LRRC49: variants seen among roughly 807,000 people sequenced by gnomAD.
LRRC49 encodes leucine-rich repeat-containing protein 49.
LRRC49 carries 50 observed loss-of-function variants against 83.3 expected under a neutral mutation model. The ratio of observed to expected loss-of-function variants is 0.60; its 90% CI spans 0.48 to 0.76. The LOEUF (loss-of-function observed/expected upper bound fraction) is 0.76. Ranked by LOEUF, LRRC49 falls within the 30% of genes least tolerant of loss-of-function variation. The pLI, the probability that LRRC49 is intolerant of heterozygous loss-of-function variation, is 0.00. For synonymous variants in LRRC49, 286 were observed against 283.3 expected (o/e 1.01, Z -0.10); for missense variants, 704 against 809.1 (o/e 0.87, Z 1.58).
intron 11 of LRRC49, among the ~76,000 whole-genome samples, chr15:71,007,845 T>G (rs1596132269): frequency 6.6e-6 from 1 of 151,174 alleles, no homozygotes; most frequent in African/African-American, 2.4e-5. Flanking sequence ...TAGTATACAC[T>G]TTAAAAATTT....
intron 1 of LRRC49, among the ~76,000 whole-genome samples, chr15:70,872,081 G>A (rs567240165): frequency 1.3e-5 from 2 of 152,338 alleles, no homozygotes; most frequent in Admixed American, 1.3e-4. Flanking sequence ...CCGAGATCAC[G>A]CCACTGCACT....
At position 71,048,835 on chromosome 15, in the gene LRRC49, T is replaced by C. The variant is rs1368772392; in HGVS notation, c.1858-574T>C. The C allele has an allele frequency of 1.5e-5, 7 of 455,928 alleles. No individual in the cohort carries two copies. In the Admixed American group the frequency reaches 1.6e-4, roughly 11 times the overall value. The allele number at this position is 455,928 out of a possible 1,614,324, so 28.2% of individuals were successfully genotyped here. A position where few individuals can be genotyped will look rare whatever the true frequency, so the allele number is the denominator to read the frequency against. On this transcript the variant is annotated intron_variant, in intron 15 of 15. Transcript: ENST00000260382. Reference sequence around the variant, plus strand: ...AGACCTGTTTCTTTAGAAGGCAACGTCCTGGGTCCCAGGTTTCTATATGTT... The same window carrying C: ...AGACCTGTTTCTTTAGAAGGCAACGCCCTGGGTCCCAGGTTTCTATATGTT...
chr15:70,984,685 T>G (rs932243444), intron 11 of LRRC49: 7 of 153,268 alleles, frequency 4.6e-5, no homozygotes, highest in African/African-American at 1.4e-4. Flanking sequence ...ATGTGCAGGT[T>G]AGTTACATAT....
chr15:70,936,078 A>G (rs2035586376), intron 7 of LRRC49, among the ~76,000 whole-genome samples: 2 of 152,108 alleles, frequency 1.3e-5, no homozygotes, highest in South Asian at 4.1e-4. Flanking sequence ...AAGCAATTCA[A>G]TATTTGTTAA....
intron 8 of LRRC49, among the ~76,000 whole-genome samples, chr15:70,943,186 T>C (rs2035884818): frequency 6.6e-6 from 1 of 152,150 alleles, no homozygotes; most frequent in Non-Finnish European, 1.5e-5. Context: ...AGTTTTTTTT[T>C]TAAGGAAGAT....
chr15:70,892,758 C>T (rs1337155462), upstream of LRRC49: 2 of 1,572,890 alleles, frequency 1.3e-6, no homozygotes, highest in Non-Finnish European at 1.7e-6. Flanking sequence ...CGGGAGAGGT[C>T]CAGACCGGAA....
intron 14 of LRRC49, among the ~76,000 whole-genome samples, chr15:71,021,631 G>A (rs981534076): frequency 6.6e-6 from 1 of 152,094 alleles, no homozygotes; most frequent in African/African-American, 2.4e-5. Context: ...CTTCAGCTGG[G>A]GTCCTCATGT....
At chr15:70,871,553 C>T (rs1019223463) in intron 1 of LRRC49, among the ~76,000 whole-genome samples, 36 of 150,442 alleles carry the variant, frequency 2.4e-4, no homozygotes, top group African/African-American at 8.6e-4. Context: ...CCCCACCTCC[C>T]GAACGGCGCG....
chr15:70,932,799 G>A (rs78856962), intron 7 of LRRC49, among the ~76,000 whole-genome samples: 1,912 of 146,034 alleles, frequency 0.013, 19 homozygotes, highest in Non-Finnish European at 0.019. Flanking sequence ...GCGCAATCTC[G>A]GCTAACTGCA....
At chr15:71,007,709 G>GTGTATATATATA (rs964626080) in intron 11 of LRRC49, among the ~76,000 whole-genome samples, 165 of 137,688 alleles carry the variant, frequency 1.2e-3, no homozygotes, top group African/African-American at 4.3e-3. Flanking sequence ...TGAGAAGCAT[G>GTGTATATATATA]TATATATATA....
At chr15:71,048,950 A>G (rs928244700) in intron 15 of LRRC49, 8 of 412,670 alleles carry the variant, frequency 1.9e-5, no homozygotes, top group South Asian at 1.2e-4. Flanking sequence ...ATGCTTTCCC[A>G]TAATAGAGGG....
chr15:70,917,836 C>A (rs191890118), intron 6 of LRRC49, among the ~76,000 whole-genome samples: 36 of 152,264 alleles, frequency 2.4e-4, no homozygotes, highest in Middle Eastern at 3.4e-3. Context: ...AACCTGGGAC[C>A]CACAGAATTT....
At chr15:70,911,643 C>T (rs2034556090) in intron 6 of LRRC49, 45 bp downstream of exon 6, 1 of 1,195,952 alleles carries the variant, frequency 8.4e-7, no homozygotes, top group Non-Finnish European at 1.2e-6. Flanking sequence ...AAAAAAAGTC[C>T]AGGAAAATGG....
At chr15:70,870,556 TC>T (rs2033004372) in intron 1 of LRRC49, among the ~76,000 whole-genome samples, 1 of 110,868 alleles carries the variant, frequency 9.0e-6, no homozygotes, top group Non-Finnish European at 2.1e-5. Context: ...AATGGCGTGA[TC>T]TTGGCTCACC....
intron 15 of LRRC49, among the ~76,000 whole-genome samples, chr15:71,041,665 G>A (rs1387029552): frequency 6.6e-6 from 1 of 152,088 alleles, no homozygotes; most frequent in Non-Finnish European, 1.5e-5. Context: ...AGAATTTCAA[G>A]CAAACTTTGT....
intron 1 of LRRC49, among the ~76,000 whole-genome samples, chr15:70,857,119 C>G (rs572088484): frequency 6.6e-6 from 1 of 152,286 alleles, no homozygotes; most frequent in Admixed American, 6.5e-5. Context: ...CAAGGGGAAA[C>G]AGCTTTTTCC....
At chr15:71,037,779 AT>A (rs200025665) in intron 15 of LRRC49, among the ~76,000 whole-genome samples, 19 of 151,838 alleles carry the variant, frequency 1.3e-4, no homozygotes, top group East Asian at 5.8e-4. Context: ...ATTCTACACC[AT>A]TTTTTTTATG....
At chr15:71,002,875 T>C (rs1350063751) in intron 11 of LRRC49, among the ~76,000 whole-genome samples, 1 of 151,364 alleles carries the variant, frequency 6.6e-6, no homozygotes, top group African/African-American at 2.4e-5. Flanking sequence ...CATTATTGCA[T>C]TGAGCTAGTC....
intron 9 of LRRC49, among the ~76,000 whole-genome samples, chr15:70,972,918 A>G (rs913804141): frequency 6.6e-6 from 1 of 152,018 alleles, no homozygotes; most frequent in Admixed American, 6.6e-5. Context: ...GCTTCATTCC[A>G]TTGGGTTAGA....
Sources: gnomAD v4.1 joint callset for allele counts (sites outside exome capture counted in the v4.1 genomes callset) on GRCh38, gnomAD v4.1.1 for gene constraint, MANE v1.5 for transcripts, NCBI Gene and HGNC (gene_info 2026-07-23, HGNC 2026-07-21) for gene names.